ACBD6: variants seen among roughly 807,000 people sequenced by gnomAD.
ACBD6 encodes the protein acyl-CoA-binding domain-containing protein 6.
In ACBD6, 28 loss-of-function variants were observed where a neutral mutation model predicts 37.2. That is an observed-to-expected ratio of 0.75 (90% CI 0.56 to 1.03). ACBD6 has a LOEUF of 1.03. Ranked by LOEUF, ACBD6 falls within the 50% of genes least tolerant of loss-of-function variation. ACBD6 has a pLI of 0.00. For synonymous variants in ACBD6, 113 were observed against 126.8 expected (o/e 0.89, Z 0.73); for missense variants, 340 against 337.4 (o/e 1.01, Z -0.06).
At chr1:180,440,388 C>A (rs959953155) in intron 3 of ACBD6, among the ~76,000 whole-genome samples, 3 of 152,200 alleles carry the variant, frequency 2.0e-5, no homozygotes, top group Admixed American at 2.0e-4. Flanking sequence ...GGATTACAGG[C>A]ATGAGCCACC....
chr1:180,310,461 A>C (rs191119094), intron 7 of ACBD6, among the ~76,000 whole-genome samples: 157 of 152,312 alleles, frequency 1.0e-3, no homozygotes, highest in African/African-American at 3.8e-3. Flanking sequence ...GCTCATTTTA[A>C]TGGTTCTTTC....
intron 6 of ACBD6, among the ~76,000 whole-genome samples, chr1:180,389,466 G>A (rs1398889945): frequency 1.3e-5 from 2 of 152,146 alleles, no homozygotes; most frequent in Non-Finnish European, 2.9e-5. Flanking sequence ...AAACATACGT[G>A]TGCATGTGTC....
intron 4 of ACBD6, among the ~76,000 whole-genome samples, chr1:180,418,800 AG>A (rs1400155304): frequency 6.6e-6 from 1 of 152,240 alleles, no homozygotes; most frequent in Non-Finnish European, 1.5e-5. Context: ...TATGATCCTC[AG>A]GTAAAATCTT....
intron 6 of ACBD6, among the ~76,000 whole-genome samples, chr1:180,318,613 G>A (rs1343935228): frequency 6.6e-6 from 1 of 152,084 alleles, no homozygotes; most frequent in Admixed American, 6.6e-5. Context: ...ACTTCTTAGC[G>A]GGATTTTTGA....
At chr1:180,294,304 C>T (rs1428245315) in intron 7 of ACBD6, among the ~76,000 whole-genome samples, 1 of 151,860 alleles carries the variant, frequency 6.6e-6, no homozygotes, top group Non-Finnish European at 1.5e-5. Flanking sequence ...TTTGGGAGGC[C>T]AAGGCAGGCA....
intron 6 of ACBD6, among the ~76,000 whole-genome samples, chr1:180,365,898 GA>G (rs1160997553): frequency 1.3e-5 from 2 of 151,732 alleles, no homozygotes; most frequent in Non-Finnish European, 2.9e-5. Flanking sequence ...TAATCACTCT[GA>G]GTATATCAGT....
intron 6 of ACBD6, among the ~76,000 whole-genome samples, chr1:180,348,138 C>A (rs1224157118): frequency 1.3e-5 from 2 of 151,686 alleles, no homozygotes; most frequent in Non-Finnish European, 2.9e-5. Context: ...AATAAATGCA[C>A]AAAAGAAAAA....
At chr1:180,421,910 G>A (rs1648380923) in intron 4 of ACBD6, among the ~76,000 whole-genome samples, 1 of 151,818 alleles carries the variant, frequency 6.6e-6, no homozygotes, top group Admixed American at 6.6e-5. Flanking sequence ...AGAAGAAGTT[G>A]TTTCTCCTAT....
At position 180,308,124 on chromosome 1, in the gene ACBD6, C is replaced by T. The variant is rs142399543; in HGVS notation, c.694+6568G>A. ...TGTCAATTCTTCACTTTAACTTATC[C>T]GCTGTAAAATTTCTGTATTTTTTTA... On this transcript the variant is annotated intron_variant, in intron 7 of 7. Coordinates refer to ENST00000367595, the MANE Select transcript of ACBD6 (RefSeq NM_032360.4). Among the ~76,000 whole-genome samples the T allele has an allele frequency of 4.8e-3, 723 of 152,064 alleles. 3 individuals are homozygous for T. The highest frequency in any genetic ancestry group is 0.014 in the Middle Eastern group (4 of 294).
At chr1:180,438,577 C>T (rs1649149423) in intron 3 of ACBD6, among the ~76,000 whole-genome samples, 1 of 152,070 alleles carries the variant, frequency 6.6e-6, no homozygotes, top group Non-Finnish European at 1.5e-5. Context: ...AAGTATAGTT[C>T]TTTTTTCTTT....
exon 10 of ACBD6, chr1:180,275,371 T>C (rs1341762811): frequency 6.6e-6 from 1 of 152,230 alleles, no homozygotes; most frequent in Admixed American, 6.5e-5. Context: ...GCTTGTATCA[T>C]TTATTCCACA....
intron 6 of ACBD6, among the ~76,000 whole-genome samples, chr1:180,366,425 T>C (rs1425448992): frequency 1.3e-5 from 2 of 152,168 alleles, no homozygotes; most frequent in Non-Finnish European, 2.9e-5. Flanking sequence ...TAGTGCAAAA[T>C]GTCAACAATT....
At chr1:180,272,134 A>AAGAC in intron 13 of ACBD6, 1 of 812,156 alleles carries the variant, frequency 1.2e-6, no homozygotes, top group African/African-American at 1.7e-5. Flanking sequence ...GCTTTTCCTT[A>AAGAC]AGACTTGCAG....
intron 6 of ACBD6, among the ~76,000 whole-genome samples, chr1:180,340,815 G>A (rs1365208756): frequency 6.6e-6 from 1 of 152,070 alleles, no homozygotes; most frequent in African/African-American, 2.4e-5. Context: ...CAGTAGATAT[G>A]GTAGTGAGAA....
At chr1:180,412,071 A>G (rs1435729003) in intron 5 of ACBD6, among the ~76,000 whole-genome samples, 2 of 151,608 alleles carry the variant, frequency 1.3e-5, no homozygotes, top group Non-Finnish European at 2.9e-5. Flanking sequence ...TGAATCTGCA[A>G]TATTTCAGAG....
At position 180,297,441 on chromosome 1, in the gene ACBD6, G is replaced by A. The variant is rs562599693; in HGVS notation, c.695-8924C>T. ...TGTGAATGCTATCTCTGCCTTCAGC[G>A]ATGTGGGGTTTCTTAGAAGGCTACC... is the stretch of plus-strand genomic sequence containing the variant. On this transcript the variant is annotated intron_variant, in intron 7 of 7. Coordinates refer to ENST00000367595, the MANE Select transcript of ACBD6 (RefSeq NM_032360.4). 2.6e-5 allele frequency among the ~76,000 whole-genome samples: 4 copies of A among 152,254 alleles called. No individual in the cohort carries two copies. The East Asian group carries it at 5.8e-4, about 22-fold the overall frequency.
intron 4 of ACBD6, among the ~76,000 whole-genome samples, chr1:180,417,536 C>T (rs1487709834): frequency 6.6e-6 from 1 of 152,184 alleles, no homozygotes; most frequent in Non-Finnish European, 1.5e-5. Flanking sequence ...AACTATTAAT[C>T]TGTTTTTCTG....
At chr1:180,441,500 C>T (rs1649278681) in intron 3 of ACBD6, among the ~76,000 whole-genome samples, 1 of 152,168 alleles carries the variant, frequency 6.6e-6, no homozygotes, top group Non-Finnish European at 1.5e-5. Flanking sequence ...TTAAATCTTC[C>T]AATCCATGAA....
intron 1 of ACBD6, among the ~76,000 whole-genome samples, chr1:180,496,754 A>G (rs541081341): frequency 9.2e-5 from 14 of 152,226 alleles, no homozygotes; most frequent in Non-Finnish European, 2.1e-4. Flanking sequence ...CTTACATAGA[A>G]GCAGCCCTGT....
Sources: allele counts gnomAD v4.1 joint callset (sites outside exome capture counted in the v4.1 genomes callset), GRCh38; gene constraint gnomAD v4.1.1; transcripts MANE v1.5; gene names NCBI Gene and HGNC (gene_info 2026-07-23, HGNC 2026-07-21).